CSMD1: variants seen among roughly 807,000 people sequenced by gnomAD.
CSMD1 encodes CUB and sushi domain-containing protein 1.
A neutral mutation model predicts 417.5 loss-of-function variants in CSMD1; 213 were observed. The ratio of observed to expected loss-of-function variants is 0.51; its 90% CI spans 0.46 to 0.57. The LOEUF (loss-of-function observed/expected upper bound fraction) is 0.57. Ranked by LOEUF, CSMD1 falls within the 20% of genes least tolerant of loss-of-function variation. The pLI, the probability that CSMD1 is intolerant of heterozygous loss-of-function variation, is 0.00. For missense variants in CSMD1, 6,923 were observed against 4,529.7 expected (o/e 1.53, Z -15.17); for synonymous variants, 2,862 against 1,736.8 (o/e 1.65, Z -16.11).
intron 5 of CSMD1, among the ~76,000 whole-genome samples, chr8:3,815,760 A>T (rs1801335303): frequency 6.6e-6 from 1 of 152,104 alleles, no homozygotes; most frequent in Non-Finnish European, 1.5e-5. Flanking sequence ...AAGTCATAAA[A>T]CCACATTGTT....
chr8:4,994,143 A>G (rs559082260), intron 1 of CSMD1, among the ~76,000 whole-genome samples, 189 bp downstream of exon 1: 1 of 151,540 alleles, frequency 6.6e-6, no homozygotes, highest in Admixed American at 6.6e-5. Flanking sequence ...GCGGGGGCCC[A>G]GGAGGGCTGG....
chr8:4,182,967 G>C (rs147769924), intron 3 of CSMD1, among the ~76,000 whole-genome samples: 1,858 of 152,138 alleles, frequency 0.012, 22 homozygotes, highest in Middle Eastern at 0.02. Flanking sequence ...TAAAGAAAGA[G>C]GCAAGGAAAG....
At chr8:4,971,172 G>T (rs1214177453) in intron 1 of CSMD1, among the ~76,000 whole-genome samples, 1 of 151,782 alleles carries the variant, frequency 6.6e-6, no homozygotes, top group Non-Finnish European at 1.5e-5. Context: ...TATAGTTTTT[G>T]AACTCAAAAA....
chr8:4,524,451 C>T (rs552061981), intron 2 of CSMD1, among the ~76,000 whole-genome samples: 11 of 152,150 alleles, frequency 7.2e-5, no homozygotes, highest in African/African-American at 2.4e-4. Context: ...ATGCTTGTGG[C>T]TGAAACAGGA....
In CSMD1 at chr8:3,187,373, T is replaced by A. The variant is rs535619926; in HGVS notation, c.5620+496A>T. 2.6e-5 allele frequency among the ~76,000 whole-genome samples: 4 copies of A among 152,200 alleles called. No individual in the cohort carries two copies. In the South Asian group the frequency reaches 6.2e-4, roughly 24 times the overall value. On this transcript the variant is annotated intron_variant, in intron 36 of 69. Transcript: ENST00000635120. ...AGCAGACTCGTCAAGGCGGGTGCATTCGTGAGAGTCGGAGGTGCAAGGAAG... is the reference window on the plus strand; with the variant it reads ...AGCAGACTCGTCAAGGCGGGTGCATACGTGAGAGTCGGAGGTGCAAGGAAG...
chr8:3,133,130 G>C (rs151032252), intron 41 of CSMD1, among the ~76,000 whole-genome samples: 53 of 152,306 alleles, frequency 3.5e-4, no homozygotes, highest in African/African-American at 1.2e-3. Flanking sequence ...ACTGCAGCGT[G>C]GGCCGGCACA....
At chr8:3,666,437 T>C (rs549674461) in intron 7 of CSMD1, among the ~76,000 whole-genome samples, 2 of 152,322 alleles carry the variant, frequency 1.3e-5, no homozygotes, top group East Asian at 1.9e-4. Context: ...GCTAAAATAA[T>C]TAAGACAGAA....
At chr8:4,743,379 A>C (rs1810745522) in intron 1 of CSMD1, among the ~76,000 whole-genome samples, 1 of 152,190 alleles carries the variant, frequency 6.6e-6, no homozygotes, top group African/African-American at 2.4e-5. Context: ...ACAGGATGGA[A>C]ATTATCATCA....
rs1585027690 is a variant in CSMD1 at position 3,656,324 on chromosome 8, G to A, written c.1010-39527C>T. Among the ~76,000 whole-genome samples the A allele has an allele frequency of 1.3e-5, 2 of 152,176 alleles. 1 individual carries two copies. Among genetic ancestry groups the A allele is most frequent in the East Asian group, 3.9e-4 (2 of 5,194 alleles). ...TCAGAAGCTTAGGGCGAAAGGTATA[G>A]CACTACTTTCCTAGAAAAGCTTTCC... On this transcript the variant is annotated intron_variant, in intron 7 of 69. Transcript: ENST00000635120.
intron 30 of CSMD1, among the ~76,000 whole-genome samples, chr8:3,211,935 G>C (rs193160504): frequency 6.6e-6 from 1 of 152,178 alleles, no homozygotes; most frequent in Non-Finnish European, 1.5e-5. Flanking sequence ...TGGAGGTGTG[G>C]CCCACCCTGG....
At chr8:3,063,973 T>C (rs1339081237) in intron 49 of CSMD1, among the ~76,000 whole-genome samples, 1 of 152,162 alleles carries the variant, frequency 6.6e-6, no homozygotes, top group African/African-American at 2.4e-5. Context: ...AAATAATAAC[T>C]ATATGCCACA....
intron 2 of CSMD1, among the ~76,000 whole-genome samples, chr8:4,588,392 TCATAAAGACAGAGATAAAGAA>T (rs1799811640): frequency 1.3e-4 from 8 of 61,900 alleles, no homozygotes; most frequent in Admixed American, 1.3e-3. Context: ...AAGAACTATC[TCATAAAGACAGAGATAAAGAA>T]CTATCTCTTC....
intron 3 of CSMD1, among the ~76,000 whole-genome samples, chr8:4,107,913 A>G (rs972241726): frequency 1.3e-5 from 2 of 152,204 alleles, no homozygotes; most frequent in African/African-American, 4.8e-5. Context: ...TGAAACAAAT[A>G]ACATTTTCGT....
Position 3,214,667 on chromosome 8 carries a change from T to C in CSMD1, c.4697A>G (p.Asp1566Gly). The change falls in exon 30 of 70, where the codon GAC becomes GGC. Residue 1566 changes from aspartate to glycine, a missense_variant. By Grantham distance (94) the Asp-to-Gly change is moderately conservative. Transcript: ENST00000635120. ...TGTCCCATTCATTATATTTCCTGGGTCAAAACAAGCTTCCCGTGGTTTCTC... is the reference window on the plus strand; with the variant it reads ...TGTCCCATTCATTATATTTCCTGGGCCAAAACAAGCTTCCCGTGGTTTCTC... ...FKEKPREACF[D>G]PGNIMNGTRV... The C allele has an allele frequency of 1.9e-6, 3 of 1,551,396 alleles. No homozygotes were observed. The highest frequency in any genetic ancestry group is 2.6e-6 in the Non-Finnish European group (3 of 1,146,904).
chr8:4,002,103 T>C (rs559386183), intron 4 of CSMD1, among the ~76,000 whole-genome samples: 5 of 152,238 alleles, frequency 3.3e-5, no homozygotes, highest in East Asian at 3.9e-4. Flanking sequence ...ATTACACATA[T>C]AAGACAAACA....
chr8:3,560,638 A>G (rs1799429254), intron 10 of CSMD1, among the ~76,000 whole-genome samples: 1 of 152,188 alleles, frequency 6.6e-6, no homozygotes, highest in Non-Finnish European at 1.5e-5. Context: ...GGGATGATAT[A>G]AAAACCTAGA....
intron 2 of CSMD1, among the ~76,000 whole-genome samples, chr8:4,625,258 G>A (rs1267707813): frequency 2.0e-5 from 3 of 152,016 alleles, no homozygotes; most frequent in Admixed American, 1.3e-4. Context: ...TGCTTGGAAC[G>A]CCAGTTAATT....
intron 54 of CSMD1, among the ~76,000 whole-genome samples, chr8:2,982,464 T>A (rs1038686756): frequency 1.3e-5 from 2 of 152,230 alleles, no homozygotes; most frequent in African/African-American, 2.4e-5. Context: ...TATCCAGTAA[T>A]GTCCCCATTC....
intron 1 of CSMD1, among the ~76,000 whole-genome samples, chr8:4,899,486 T>C (rs7840051): frequency 0.022 from 3,376 of 152,130 alleles, 123 homozygotes; most frequent in African/African-American, 0.076. Context: ...AGAGAAGAAA[T>C]CCCAATATGT....
Sources: gnomAD v4.1 joint callset for allele counts (sites outside exome capture counted in the v4.1 genomes callset) on GRCh38, gnomAD v4.1.1 for gene constraint, MANE v1.5 for transcripts, NCBI Gene and HGNC (gene_info 2026-07-23, HGNC 2026-07-21) for gene names.